The following UAP1L1 variants were observed in gnomAD, a reference collection of about 807,000 sequenced individuals.
The protein encoded by UAP1L1 is UDP-N-acetylglucosamine pyrophosphorylase 1 like 1.
Under a neutral mutation model 45.3 loss-of-function variants are expected in UAP1L1, and 45 were observed. The observed-to-expected ratio is 0.99, with a 90% CI of 0.78 to 1.27. The LOEUF is 1.27. UAP1L1 is among the 50% of genes most tolerant of loss of function. The pLI is 0.00. For synonymous variants in UAP1L1, 323 were observed against 303.9 expected (o/e 1.06, Z -0.65); for missense variants, 667 against 694.0 (o/e 0.96, Z 0.44).
At position 137,078,690 on chromosome 9, in the gene UAP1L1, C is replaced by T. The variant is rs570052075; in HGVS notation, c.670+13C>T. The T allele has an allele frequency of 1.3e-5, 21 of 1,606,536 alleles. No homozygotes were observed. The African/African-American group carries it at 2.3e-4, about 17-fold the overall frequency. ...GCCATGGCCCCAGGTGTGGCCCGTTCCTGAGACGGGGAGGGACCGCCCAGA... is the reference window on the plus strand; with the variant it reads ...GCCATGGCCCCAGGTGTGGCCCGTTTCTGAGACGGGGAGGGACCGCCCAGA... On this transcript the variant is annotated intron_variant, in intron 3 of 8. Transcript: ENST00000409858.
At position 137,080,154 on chromosome 9, in the gene UAP1L1, A is replaced by G; in HGVS notation, c.1178+12A>G. On this transcript the variant is annotated intron_variant, in intron 6 of 8. Coordinates refer to ENST00000409858, the MANE Select transcript of UAP1L1 (RefSeq NM_207309.3). ...TTCCGGTTTGCTAAGTTAGTAGTAG[A>G]ACTCATTTATTTTCCCCTTCTTCCT... is the stretch of plus-strand genomic sequence containing the variant. 1.9e-6 allele frequency: 3 copies of G among 1,613,424 alleles called. No individual in the cohort carries two copies. Among genetic ancestry groups the G allele is most frequent in the Non-Finnish European group, 1.7e-6 (2 of 1,179,486 alleles).
rs1263252008 is a variant in UAP1L1 at position 137,082,897 on chromosome 9, C to T, written c.*168C>T. 40 of 607,320 alleles carry T rather than the reference C, an allele frequency of 6.6e-5. No homozygotes were observed. The highest frequency in any genetic ancestry group is 3.5e-5 in the Non-Finnish European group (12 of 340,336). The allele number at this position is 607,320 out of a possible 1,614,324, so 37.6% of individuals were successfully genotyped here. A position where few individuals can be genotyped will look rare whatever the true frequency, so the allele number is the denominator to read the frequency against. ...TGCCCCATGCTTCCAGCCTGCAGAA[C>T]ACAGAATGAAACATGCTGGTAGACT... On this transcript the variant is annotated 3_prime_UTR_variant, in exon 9 of 9. Coordinates refer to ENST00000409858, the MANE Select transcript of UAP1L1 (RefSeq NM_207309.3). The surrounding 1 kb of genome is among the most constrained non-coding windows in gnomAD (Gnocchi z 5.7).
Position 137,082,451 on chromosome 9 carries a change from G to A in UAP1L1, c.1432-186G>A, listed in dbSNP as rs969802306. ...GTCCCCTGCTGGCCTAGGGTCTTGA[G>A]TGTGGTCTTGGGTGGCCTTGCAGTG... On this transcript the variant is annotated intron_variant, in intron 8 of 8. Coordinates refer to ENST00000409858, the MANE Select transcript of UAP1L1 (RefSeq NM_207309.3). This position sits in a 1 kb window ranked among gnomAD's most constrained non-coding sequence, Gnocchi z 5.7. 22 of 604,740 alleles carry A rather than the reference G, an allele frequency of 3.6e-5. No homozygotes were observed. Among genetic ancestry groups the A allele is most frequent in the African/African-American group, 5.6e-5 (3 of 53,898 alleles). The allele number at this position is 604,740 out of a possible 1,614,324, so 37.5% of individuals were successfully genotyped here. A position where few individuals can be genotyped will look rare whatever the true frequency, so the allele number is the denominator to read the frequency against.
In UAP1L1 at chr9:137,078,145, C is replaced by T. The variant is rs1447197826; in HGVS notation, c.385C>T (p.Arg129Cys). 6.5e-7 allele frequency: 1 copy of T among 1,550,182 alleles called. No individual in the cohort carries two copies. Among genetic ancestry groups the T allele is most frequent in the Non-Finnish European group, 8.7e-7 (1 of 1,146,856 alleles). Residue 129 changes from arginine (R) to cysteine (C), a missense_variant, in exon 2 of 9, where the codon CGT (arginine) becomes TGT (cysteine). Arg to Cys is a radical substitution (Grantham distance 180). Coordinates refer to ENST00000409858, the MANE Select transcript of UAP1L1 (RefSeq NM_207309.3). ...LGVTYPKGMY[R>C]VGLPSRKTLY... ...CGTGACCTACCCCAAGGGTATGTACCGTGTGGGGCTGCCCAGCCGGAAGAC... is the reference window on the plus strand; with the variant it reads ...CGTGACCTACCCCAAGGGTATGTACTGTGTGGGGCTGCCCAGCCGGAAGAC...
At chr9:137,080,971 T>C in intron 7 of UAP1L1, 97 bp downstream of exon 7, 2 of 1,243,764 alleles carry the variant, frequency 1.6e-6, no homozygotes, top group Non-Finnish European at 1.1e-6. Flanking sequence ...ACAGCCATGC[T>C]GGGGAGGGGT....
At position 137,083,982 on chromosome 9, in the gene UAP1L1, C is replaced by A; in HGVS notation, c.*1253C>A. 1 of 152,632 alleles carries A rather than the reference C, an allele frequency of 6.6e-6. No individual in the cohort carries two copies. 9.5% of individuals were successfully genotyped at this position (152,632 alleles called of 1,614,324 possible). ...AGGACAGTGGCTGAGTGGAGGCGCC[C>A]AGACCTGGGCAGGCAGCAGGCTCAG... On this transcript the variant is annotated 3_prime_UTR_variant, in exon 9 of 9. Transcript: ENST00000409858.
At chr9:137,078,888 G>A in intron 3 of UAP1L1, 88 bp from the exon 4 acceptor site, 1 of 1,475,960 alleles carries the variant, frequency 6.8e-7, no homozygotes, top group Non-Finnish European at 9.0e-7. Flanking sequence ...ACAAGGCCGG[G>A]GCTTCCCCCG....
At chr9:137,080,494 G>A (rs1255516659) in intron 6 of UAP1L1, 195 bp from the exon 7 acceptor site, 2 of 633,944 alleles carry the variant, frequency 3.2e-6, no homozygotes, top group Admixed American at 3.2e-5. Flanking sequence ...TCGGCTGCTG[G>A]AAATGGCTGC....
Position 137,082,634 on chromosome 9 carries a change from C to T in UAP1L1, c.1432-3C>T. 1 of 1,551,632 alleles carries T rather than the reference C, an allele frequency of 6.4e-7. No homozygotes were observed. The highest frequency in any genetic ancestry group is 8.7e-7 in the Non-Finnish European group (1 of 1,146,980). Reference sequence around the variant, plus strand: ...TTGGCCATTGTCCCCTGCTCGTCTCCAGGGTTTAGAAGTGTACCTGCAAGG... The same window carrying T: ...TTGGCCATTGTCCCCTGCTCGTCTCTAGGGTTTAGAAGTGTACCTGCAAGG... On this transcript the variant is annotated splice_region_variant and splice_polypyrimidine_tract_variant and intron_variant, in intron 8 of 8. Transcript: ENST00000409858. This position sits in a 1 kb window ranked among gnomAD's most constrained non-coding sequence, Gnocchi z 5.7.
chr9:137,079,330 G>A lies in UAP1L1; in HGVS notation c.918G>A (p.Glu306=). 1.9e-6 allele frequency: 3 copies of A among 1,613,224 alleles called. No individual in the cohort carries two copies. Among genetic ancestry groups the A allele is most frequent in the South Asian group, 1.1e-5 (1 of 91,078 alleles). ...TGGACGGTGTCCCCCAGGTGGTGGA[G>A]TACAGCGAGATCAGTCCTGAGACCG... is the stretch of plus-strand genomic sequence containing the variant. ...CQVDGVPQVV[E]YSEISPETAQ... is the part of the protein sequence containing the mutation. The change falls in exon 5 of 9, where the codon GAG becomes GAA. Residue 306 remains glutamate (E), a synonymous_variant. Transcript: ENST00000409858.
chr9:137,078,137 G>T lies in UAP1L1; in HGVS notation c.377G>T (p.Gly126Val), dbSNP rs1588570525. 7 of 1,550,218 alleles carry T rather than the reference G, an allele frequency of 4.5e-6. No individual in the cohort carries two copies. In the East Asian group the frequency reaches 1.7e-4, roughly 38 times the overall value. ...CGCCTGGGCGTGACCTACCCCAAGGGTATGTACCGTGTGGGGCTGCCCAGC... is the reference window on the plus strand; with the variant it reads ...CGCCTGGGCGTGACCTACCCCAAGGTTATGTACCGTGTGGGGCTGCCCAGC... ...GTRLGVTYPKGMYRVGLPSRK... is the reference protein window; with the variant it reads ...GTRLGVTYPKVMYRVGLPSRK... Residue 126 changes from glycine to valine, a missense_variant, in exon 2 of 9, where the codon GGT (glycine) becomes GTT (valine). Physicochemically the swap from Gly to Val is moderately radical, Grantham distance 109. Coordinates refer to ENST00000409858, the MANE Select transcript of UAP1L1 (RefSeq NM_207309.3).
In UAP1L1 at chr9:137,082,554, G is replaced by T; in HGVS notation, c.1432-83G>T. The T allele has an allele frequency of 6.9e-6, 8 of 1,162,698 alleles. No individual in the cohort carries two copies. The South Asian group carries it at 1.1e-4, about 16-fold the overall frequency. The allele number at this position is 1,162,698 out of a possible 1,614,324, so 72.0% of individuals were successfully genotyped here. A position where few individuals can be genotyped will look rare whatever the true frequency, so the allele number is the denominator to read the frequency against. On this transcript the variant is annotated intron_variant, in intron 8 of 8. Coordinates refer to ENST00000409858, the MANE Select transcript of UAP1L1 (RefSeq NM_207309.3). The surrounding 1 kb of genome is among the most constrained non-coding windows in gnomAD (Gnocchi z 5.7). ...CAGGCAGACCTGGGATCGCACCTGG[G>T]GACTGTGGCTCTTGGTGTGGCCAGA...
rs1332510316 is a variant in UAP1L1 at position 137,078,275 on chromosome 9, C to T, written c.494+21C>T. 40 of 1,526,362 alleles carry T rather than the reference C, an allele frequency of 2.6e-5. 1 individual carries two copies. Among genetic ancestry groups the T allele is most frequent in the Non-Finnish European group, 1.8e-5 (20 of 1,133,756 alleles). The allele number at this position is 1,526,362 out of a possible 1,614,324, so 94.6% of individuals were successfully genotyped here. On this transcript the variant is annotated intron_variant, in intron 2 of 8. Coordinates refer to ENST00000409858, the MANE Select transcript of UAP1L1 (RefSeq NM_207309.3). ...CCCTGGTGTGTCCTGCCTGCCCTAC[C>T]TCGGCCCGGAGGTACCCTTCCCCAC...
chr9:137,078,995 C>A lies in UAP1L1; in HGVS notation c.690C>A (p.Tyr230Ter). Residue 230 changes from tyrosine to a stop codon, truncating the protein, a stop_gained, in exon 4 of 9, where the codon TAC becomes TAA. Transcript: ENST00000409858. LOFTEE classifies it high-confidence loss of function. Reference sequence around the variant, plus strand: ...CTGCAGACGGCAACGGGGGCCTCTACTGCGCGCTGGAGGACCACAAGATCC... The same window carrying A: ...CTGCAGACGGCAACGGGGGCCTCTAATGCGCGCTGGAGGACCACAAGATCC... ...AMAPDGNGGLYCALEDHKILE... is the reference protein window; with the variant it reads ...AMAPDGNGGL 3 of 1,595,530 alleles carry A rather than the reference C, an allele frequency of 1.9e-6. No individual in the cohort carries two copies. Among genetic ancestry groups the A allele is most frequent in the Non-Finnish European group, 2.6e-6 (3 of 1,175,174 alleles).
Position 137,078,752 on chromosome 9 carries a change from G to A in UAP1L1, c.670+75G>A, listed in dbSNP as rs1296922253. The A allele has an allele frequency of 4.0e-6, 6 of 1,503,402 alleles. No individual in the cohort carries two copies. In the East Asian group the frequency reaches 9.4e-5, roughly 24 times the overall value. 93.1% of individuals were successfully genotyped at this position (1,503,402 alleles called of 1,614,324 possible). A position where few individuals can be genotyped will look rare whatever the true frequency, so the allele number is the denominator to read the frequency against. ...AGCGTAGTTGGGGGTCCACGCGCCC[G>A]GGTTCGCGGCTGCCCCGAGGCTGTG... On this transcript the variant is annotated intron_variant, in intron 3 of 8. Transcript: ENST00000409858.
chr9:137,079,222 A>C (rs777984990), intron 4 of UAP1L1, 34 bp from the exon 5 acceptor site: 38 of 1,547,088 alleles, frequency 2.5e-5, no homozygotes, highest in South Asian at 4.5e-5. Flanking sequence ...CCCTCCGCCC[A>C]GCCCTCGGAA....
intron 6 of UAP1L1, 90 bp from the exon 7 acceptor site, chr9:137,080,599 A>T: frequency 7.6e-7 from 1 of 1,321,106 alleles, no homozygotes; most frequent in Non-Finnish European, 1.1e-6. Context: ...CCAGACCTTC[A>T]CTCTGTCACT....
rs1832812898 is a variant in UAP1L1 at position 137,082,811 on chromosome 9, GC to G, written c.*86del. On this transcript the variant is annotated 3_prime_UTR_variant, in exon 9 of 9. Coordinates refer to ENST00000409858, the MANE Select transcript of UAP1L1 (RefSeq NM_207309.3). This position sits in a 1 kb window ranked among gnomAD's most constrained non-coding sequence, Gnocchi z 5.7. The stretch of plus-strand genomic sequence containing the variant: ...GTCCCGACTCCCCCCAGACCTGCCA[GC>G]CCCGGCGTCCTGGAGCTGGGGGCTA... The G allele has an allele frequency of 3.3e-6, 4 of 1,217,212 alleles. No homozygotes were observed. The highest frequency in any genetic ancestry group is 3.5e-6 in the Non-Finnish European group (3 of 863,492). The allele number at this position is 1,217,212 out of a possible 1,614,324, so 75.4% of individuals were successfully genotyped here.
At position 137,082,662 on chromosome 9, in the gene UAP1L1, G is replaced by A. The variant is rs751667578; in HGVS notation, c.1457G>A (p.Arg486Gln). The A allele has an allele frequency of 1.4e-5, 22 of 1,552,088 alleles. No individual in the cohort carries two copies. The highest frequency in any genetic ancestry group is 5.5e-5 in the African/African-American group (4 of 73,026). Residue 486 changes from arginine (R) to glutamine (Q), a missense_variant, in exon 9 of 9, where the codon CGG (arginine) becomes CAG (glutamine). Transcript: ENST00000409858. The surrounding 1 kb of genome is among the most constrained non-coding windows in gnomAD (Gnocchi z 5.7). ...GGTTTAGAAGTGTACCTGCAAGGCCGGGAGTTCCAGTCCCCGCTCATCCTG... is the reference window on the plus strand; with the variant it reads ...GGTTTAGAAGTGTACCTGCAAGGCCAGGAGTTCCAGTCCCCGCTCATCCTG... ...GEGLEVYLQG[R>Q]EFQSPLILDE...
Sources: gnomAD v4.1 joint callset for allele counts on GRCh38, gnomAD v4.1.1 for gene constraint, Gnocchi (gnomAD v3.1) non-coding constraint, MANE v1.5 for transcripts, NCBI Gene and HGNC (gene_info 2026-07-23, HGNC 2026-07-21) for gene names.